Variants in RASGEF1B observed in about 807,000 individuals in gnomAD.
The protein encoded by RASGEF1B is ras-GEF domain-containing family member 1B.
A neutral mutation model predicts 65.7 loss-of-function variants in RASGEF1B; 30 were observed. The ratio of observed to expected loss-of-function variants is 0.46; its 90% confidence interval spans 0.34 to 0.62. The LOEUF is 0.62. Among genes scored for constraint, RASGEF1B ranks in the 20% least tolerant of loss-of-function variants. The pLI is 0.01. For synonymous variants in RASGEF1B, 175 were observed against 194.8 expected, an observed-to-expected ratio of 0.90 and a Z score of 0.85; for missense variants, 495 against 580.1, an observed-to-expected ratio of 0.85 and a Z score of 1.51.
At chr4:81,437,483 T>TA (rs1201706829) in intron 10 of RASGEF1B, among the ~76,000 whole-genome samples, 5 of 152,308 alleles carry the variant, frequency 3.3e-5, no homozygotes, top group Admixed American at 2.0e-4. Context: ...TAGCAGCTTT[T>TA]AAAAAAATAA....
In RASGEF1B at chr4:81,427,426, AAC is replaced by A. The variant is rs201095873; in HGVS notation, c.*340_*341del. ...GCAAATGTTCAACCAAATTAAAAAA[AAC>A]ACACACACACAAAAGAAAACTCCAT... On this transcript the variant is annotated 3_prime_UTR_variant, in exon 14 of 14. Coordinates refer to ENST00000264400, the MANE Select transcript of RASGEF1B (RefSeq NM_152545.3). 58 of 270,388 alleles carry A rather than the reference AAC, an allele frequency of 2.1e-4. No homozygotes were observed. Among genetic ancestry groups the A allele is most frequent in the Middle Eastern group, 1.1e-3 (1 of 920 alleles). The allele number at this position is 270,388 out of a possible 1,614,324, so 16.7% of individuals were successfully genotyped here.
At position 81,442,371 on chromosome 4, in the gene RASGEF1B, T is replaced by C. The variant is rs774965115; in HGVS notation, c.934A>G (p.Met312Val). 4.7e-5 allele frequency: 76 copies of C among 1,608,802 alleles called. No homozygotes were observed. The highest frequency in any genetic ancestry group is 6.1e-5 in the Non-Finnish European group (72 of 1,175,702). ...FNSLMAIISG[M>V]NMSPVSRLKK... ...AGTCGAGAGACTGGGCTCATATTCA[T>C]ACCAGCTTCCCATTTGAAATGGAGG... The change falls in exon 9 of 14, where the codon ATG becomes GTG. Residue 312 changes from methionine (M) to valine (V), a missense_variant. Met to Val is a conservative substitution (Grantham distance 21). Coordinates refer to ENST00000264400, the MANE Select transcript of RASGEF1B (RefSeq NM_152545.3).
chr4:81,447,964 T>A, intron 5 of RASGEF1B, 105 bp downstream of exon 5: 1 of 908,876 alleles, frequency 1.1e-6, no homozygotes, highest in South Asian at 1.5e-5. Flanking sequence ...CCCACTTGGA[T>A]TATTCTGACC....
At position 81,437,042 on chromosome 4, in the gene RASGEF1B, A is replaced by G. The variant is rs752810341; in HGVS notation, c.1105-2308T>C. 2.2e-4 allele frequency among the ~76,000 whole-genome samples: 33 copies of G among 152,228 alleles called. 1 individual carries two copies. Among genetic ancestry groups the G allele is most frequent in the Non-Finnish European group, 4.1e-4 (28 of 68,042 alleles). On this transcript the variant is annotated intron_variant, in intron 10 of 13. Coordinates refer to ENST00000264400, the MANE Select transcript of RASGEF1B (RefSeq NM_152545.3). ...AACTAAACAGCATAGTAACAATAGT[A>G]AAAGTACAACTGAACCTTGCTTCTC...
At chr4:81,429,244 G>A (rs1721333297) in intron 13 of RASGEF1B, among the ~76,000 whole-genome samples, 1 of 152,226 alleles carries the variant, frequency 6.6e-6, no homozygotes, top group Non-Finnish European at 1.5e-5. Flanking sequence ...AGGCATTGGA[G>A]CTGGGCCATG....
intron 4 of RASGEF1B, chr4:81,454,516 C>G (rs918903953): frequency 5.9e-5 from 9 of 152,194 alleles, no homozygotes; most frequent in African/African-American, 2.2e-4. Flanking sequence ...GCTTCAGATA[C>G]ATAAACCAAG....
At chr4:81,469,431 A>G (rs1253422096) in intron 1 of RASGEF1B, among the ~76,000 whole-genome samples, 1 of 152,182 alleles carries the variant, frequency 6.6e-6, no homozygotes, top group Non-Finnish European at 1.5e-5. Flanking sequence ...CTCCTGAGTC[A>G]TACTAGGGAT....
At chr4:81,447,847 C>T (rs1212153043) in intron 5 of RASGEF1B, among the ~76,000 whole-genome samples, 1 of 152,160 alleles carries the variant, frequency 6.6e-6, no homozygotes, top group East Asian at 1.9e-4. Flanking sequence ...AAACTCTTTG[C>T]TCTTCAGCCT....
Position 81,426,972 on chromosome 4 carries a change from T to A in RASGEF1B, c.*796A>T, listed in dbSNP as rs1424130234. The A allele has an allele frequency of 2.8e-5, 2 of 71,670 alleles. No individual in the cohort carries two copies. The highest frequency in any genetic ancestry group is 4.9e-5 in the Non-Finnish European group (2 of 40,680). The allele number at this position is 71,670 out of a possible 1,614,324, so 4.4% of individuals were successfully genotyped here. ...AACACAGTGGTCAGTTGTAAACAGC[T>A]CAGAAGAGCAAAAAAAAAAAAAAAA... On this transcript the variant is annotated 3_prime_UTR_variant, in exon 14 of 14. Coordinates refer to ENST00000264400, the MANE Select transcript of RASGEF1B (RefSeq NM_152545.3).
intron 10 of RASGEF1B, among the ~76,000 whole-genome samples, chr4:81,439,106 A>G (rs1458521207): frequency 6.6e-6 from 1 of 152,144 alleles, no homozygotes; most frequent in Non-Finnish European, 1.5e-5. Flanking sequence ...ATACCCAGGA[A>G]TGGGATTGCT....
chr4:81,470,794 C>T (rs2110003756), intron 1 of RASGEF1B, among the ~76,000 whole-genome samples: 1 of 152,318 alleles, frequency 6.6e-6, no homozygotes, highest in East Asian at 1.9e-4. Context: ...GTGCCACCCT[C>T]GGCAGTGTCA....
At chr4:81,466,782 G>GAAAGAAAGAAAGAAAGAAAGAA (rs1722839228) in intron 1 of RASGEF1B, among the ~76,000 whole-genome samples, 1 of 136,488 alleles carries the variant, frequency 7.3e-6, no homozygotes, top group Non-Finnish European at 1.6e-5. Context: ...AAGAAAGAAA[G>GAAAGAAAGAAAGAAAGAAAGAA]AAAGAAAGAA....
At chr4:81,466,773 A>AGAAAGAAAGAAAGAAAGAAG (rs1722836267) in intron 1 of RASGEF1B, among the ~76,000 whole-genome samples, 17 of 81,188 alleles carry the variant, frequency 2.1e-4, no homozygotes, top group Non-Finnish European at 4.1e-4. Context: ...AAAAAAAAAA[A>AGAAAGAAAGAAAGAAAGAAG]GAAAGAAAGA....
intron 6 of RASGEF1B, 52 bp from the exon 7 acceptor site, chr4:81,445,890 T>C: frequency 7.5e-7 from 1 of 1,326,282 alleles, no homozygotes; most frequent in Non-Finnish European, 1.1e-6. Flanking sequence ...AACAATGTAG[T>C]GGACTCTCAT....
At chr4:81,446,578 C>T (rs1389423611) in intron 6 of RASGEF1B, among the ~76,000 whole-genome samples, 1 of 152,114 alleles carries the variant, frequency 6.6e-6, no homozygotes, top group Non-Finnish European at 1.5e-5. Flanking sequence ...TAAAATTAAG[C>T]ATAGGACAAA....
chr4:81,443,994 T>G (rs1721935977), intron 8 of RASGEF1B, among the ~76,000 whole-genome samples: 3 of 152,212 alleles, frequency 2.0e-5, no homozygotes, highest in Non-Finnish European at 4.4e-5. Flanking sequence ...GGTATTAATA[T>G]TTTGCTGCAA....
intron 10 of RASGEF1B, among the ~76,000 whole-genome samples, chr4:81,436,364 G>A (rs1361238484): frequency 2.0e-5 from 3 of 152,112 alleles, no homozygotes; most frequent in African/African-American, 4.8e-5. Context: ...TATGCCCCAG[G>A]TGAAGGAGGA....
chr4:81,432,905 C>A (rs966166278), intron 12 of RASGEF1B, among the ~76,000 whole-genome samples: 1 of 151,658 alleles, frequency 6.6e-6, no homozygotes, highest in Admixed American at 6.6e-5. Flanking sequence ...AAACAAATCC[C>A]CTCTGGCATA....
chr4:81,442,146 C>G (rs757253363), intron 9 of RASGEF1B, 151 bp downstream of exon 9: 5 of 624,080 alleles, frequency 8.0e-6, no homozygotes, highest in Non-Finnish European at 1.4e-5. Flanking sequence ...ATTTTCCCCT[C>G]CAATTCTACC....
Sources: gnomAD v4.1 joint callset for allele counts (sites outside exome capture counted in the v4.1 genomes callset) on GRCh38, gnomAD v4.1.1 for gene constraint, MANE v1.5 for transcripts, NCBI Gene and HGNC (gene_info 2026-07-23, HGNC 2026-07-21) for gene names.